AGAP1: variants seen among roughly 807,000 people sequenced by gnomAD.
AGAP1 encodes ArfGAP with GTPase domain, ankyrin repeat and PH domain 1, also known as arf-GAP with GTPase, ANK repeat and PH domain-containing protein 1.
AGAP1 carries 29 observed loss-of-function variants against 105.3 expected under a neutral mutation model. That is an observed-to-expected ratio of 0.28 (90% CI 0.21 to 0.38). AGAP1 has a LOEUF of 0.38. AGAP1 is among the 10% of genes least tolerant of loss of function. The pLI is 1.00. For synonymous variants in AGAP1, 509 were observed against 485.9 expected, an observed-to-expected ratio of 1.05 and a Z score of -0.63; for missense variants, 998 against 1,165.1, an observed-to-expected ratio of 0.86 and a Z score of 2.09.
chr2:236,016,012 G>A lies in AGAP1; in HGVS notation c.1646-20549G>A, dbSNP rs962446977. Among the ~76,000 whole-genome samples the A allele has an allele frequency of 2.1e-4, 32 of 148,970 alleles. 1 individual carries two copies. Among genetic ancestry groups the A allele is most frequent in the African/African-American group, 7.1e-4 (28 of 39,676 alleles). On this transcript the variant is annotated intron_variant, in intron 13 of 17. Transcript: ENST00000304032. The stretch of plus-strand genomic sequence containing the variant: ...CTTTCACAATTACTCCTGTCTTGCC[G>A]CTGAACGCCCTGCTCTCAGCCAGGA...
At chr2:235,770,044 CTG>C (rs750057592) in intron 6 of AGAP1, among the ~76,000 whole-genome samples, 21 of 152,130 alleles carry the variant, frequency 1.4e-4, no homozygotes, top group African/African-American at 4.6e-4. Context: ...ATACAGGAAA[CTG>C]TAAGACAGCA....
rs540758906 is a variant in AGAP1 at position 235,584,502 on chromosome 2, G to A, written c.163+89653G>A. 8.1e-5 allele frequency among the ~76,000 whole-genome samples: 12 copies of A among 148,592 alleles called. No individual in the cohort carries two copies. The South Asian group carries it at 2.0e-3, about 25-fold the overall frequency. On this transcript the variant is annotated intron_variant, in intron 1 of 17. Transcript: ENST00000304032. ...TGGAGTGGGTCCTGATCCAGTGATC[G>A]GTGTTCATCTGAGAAGAGGGAGGTT...
intron 13 of AGAP1, among the ~76,000 whole-genome samples, chr2:236,024,712 A>G (rs2125615335): frequency 1.3e-5 from 2 of 152,340 alleles, no homozygotes; most frequent in African/African-American, 4.8e-5. Flanking sequence ...AATCAGTCTG[A>G]TGGCTGAGTT....
chr2:235,749,808 CCT>C (rs1259992804), intron 5 of AGAP1, among the ~76,000 whole-genome samples: 1 of 152,206 alleles, frequency 6.6e-6, no homozygotes, highest in Non-Finnish European at 1.5e-5. Context: ...TTTCTGCTTG[CCT>C]CTCTGGCCAA....
At chr2:235,617,531 G>A (rs576373358) in intron 1 of AGAP1, among the ~76,000 whole-genome samples, 14 of 152,198 alleles carry the variant, frequency 9.2e-5, no homozygotes, top group Admixed American at 5.9e-4. Flanking sequence ...GTGAAACTCT[G>A]TCTCTACTAA....
In AGAP1 at chr2:235,890,557, A is replaced by T. The variant is rs1575707066; in HGVS notation, c.1155+7108A>T. On this transcript the variant is annotated intron_variant, in intron 10 of 17. Coordinates refer to ENST00000304032, the MANE Select transcript of AGAP1 (RefSeq NM_001037131.3). ...GTCCACATCATTGCTTCCCTCACAGAGTATGTTCAGCCACCAGTTGACAGT... is the reference window on the plus strand; with the variant it reads ...GTCCACATCATTGCTTCCCTCACAGTGTATGTTCAGCCACCAGTTGACAGT... Among the ~76,000 whole-genome samples, 3 of 152,284 alleles carry T rather than the reference A, an allele frequency of 2.0e-5. No individual in the cohort carries two copies. The East Asian group carries it at 5.8e-4, about 29-fold the overall frequency.
chr2:235,631,482 C>T lies in AGAP1; in HGVS notation c.164-77697C>T, dbSNP rs965248260. On this transcript the variant is annotated intron_variant, in intron 1 of 17. Coordinates refer to ENST00000304032, the MANE Select transcript of AGAP1 (RefSeq NM_001037131.3). This position sits in a 1 kb window ranked among gnomAD's most constrained non-coding sequence, Gnocchi z 5.4. ...GTTTCTGGGTCCCAGGACCGGACTG[C>T]GTGGTCCTGGTTATACCTGCTGGTC... is the stretch of plus-strand genomic sequence containing the variant. 1.3e-5 allele frequency among the ~76,000 whole-genome samples: 2 copies of T among 152,188 alleles called. No individual in the cohort carries two copies. The highest frequency in any genetic ancestry group is 6.5e-5 in the Admixed American group (1 of 15,282).
chr2:236,100,762 G>A (rs1464147635), intron 16 of AGAP1, among the ~76,000 whole-genome samples: 5 of 151,746 alleles, frequency 3.3e-5, no homozygotes, highest in Non-Finnish European at 7.4e-5. Flanking sequence ...CCCAGGAAGC[G>A]GAGGCTGCAG....
At chr2:235,762,919 G>A (rs1575374727) in intron 6 of AGAP1, among the ~76,000 whole-genome samples, 1 of 152,128 alleles carries the variant, frequency 6.6e-6, no homozygotes, top group African/African-American at 2.4e-5. Flanking sequence ...CAGTGAGTAC[G>A]TTGGATGTTG....
chr2:235,527,785 GT>G (rs1162264914), intron 1 of AGAP1, among the ~76,000 whole-genome samples: 1 of 152,176 alleles, frequency 6.6e-6, no homozygotes. Flanking sequence ...AAGGTGCAGT[GT>G]TTTAGTTCTT....
At chr2:235,671,777 G>C (rs943145784) in intron 1 of AGAP1, among the ~76,000 whole-genome samples, 2 of 152,352 alleles carry the variant, frequency 1.3e-5, no homozygotes, top group African/African-American at 4.8e-5. Context: ...CCTCAGGTCT[G>C]TGTTCCCTTA....
rs113323406 is a variant in AGAP1 at position 235,514,405 on chromosome 2, C to T, written c.163+19556C>T. 7.3e-3 allele frequency among the ~76,000 whole-genome samples: 1,106 copies of T among 152,350 alleles called. 11 individuals are homozygous for T. The highest frequency in any genetic ancestry group is 0.025 in the African/African-American group (1,053 of 41,588). On this transcript the variant is annotated intron_variant, in intron 1 of 17. Coordinates refer to ENST00000304032, the MANE Select transcript of AGAP1 (RefSeq NM_001037131.3). ...TAAAGAAATGGAAATGGAGTTGCCTCGCTGGGCTCCCAGGCCCTTTGCCGT... is the reference window on the plus strand; with the variant it reads ...TAAAGAAATGGAAATGGAGTTGCCTTGCTGGGCTCCCAGGCCCTTTGCCGT...
chr2:235,907,382 G>A (rs1340570341), intron 10 of AGAP1, among the ~76,000 whole-genome samples: 1 of 152,056 alleles, frequency 6.6e-6, no homozygotes, highest in Non-Finnish European at 1.5e-5. Context: ...GAGGTGGGAG[G>A]GTGACTTGAG....
At chr2:236,024,319 T>G (rs10929159) in intron 13 of AGAP1, among the ~76,000 whole-genome samples, 98,959 of 151,972 alleles carry the variant, frequency 0.65, 33,443 homozygotes, top group African/African-American at 0.83. Flanking sequence ...TTATAGGCAT[T>G]AGCCACTGCG....
chr2:235,966,412 G>T (rs920421452), intron 12 of AGAP1, among the ~76,000 whole-genome samples: 1 of 152,020 alleles, frequency 6.6e-6, no homozygotes, highest in Non-Finnish European at 1.5e-5. Context: ...TCACAACAGA[G>T]GCACCCCAGG....
intron 9 of AGAP1, among the ~76,000 whole-genome samples, chr2:235,871,525 C>T (rs529201621): frequency 3.3e-5 from 5 of 152,374 alleles, no homozygotes; most frequent in Admixed American, 6.5e-5. Flanking sequence ...ACAACTTCCA[C>T]TCATGCTTCT....
chr2:235,783,032 G>GTA (rs1176550637), intron 6 of AGAP1, among the ~76,000 whole-genome samples: 1 of 137,484 alleles, frequency 7.3e-6, no homozygotes, highest in African/African-American at 2.6e-5. Context: ...TTGTGTGTGT[G>GTA]TGTGTGTGTG....
chr2:235,510,329 A>C (rs187284220), intron 1 of AGAP1, among the ~76,000 whole-genome samples: 498 of 152,326 alleles, frequency 3.3e-3, no homozygotes, highest in Non-Finnish European at 5.6e-3. Context: ...GGCTTCATTC[A>C]GTCAGCATGA....
chr2:236,067,592 T>C (rs2058379776), intron 16 of AGAP1, among the ~76,000 whole-genome samples: 1 of 152,202 alleles, frequency 6.6e-6, no homozygotes, highest in Admixed American at 6.5e-5. Context: ...GACAATCTGA[T>C]TATTTTCTTA....
Sources: gnomAD v4.1 joint callset for allele counts (sites outside exome capture counted in the v4.1 genomes callset) on GRCh38, gnomAD v4.1.1 for gene constraint, Gnocchi (gnomAD v3.1) non-coding constraint, MANE v1.5 for transcripts, NCBI Gene and HGNC (gene_info 2026-07-23, HGNC 2026-07-21) for gene names.